Variants in CYP27C1 observed in about 807,000 individuals in gnomAD.
CYP27C1 encodes the protein cytochrome P450 27C1.
Under a neutral mutation model 40.6 loss-of-function variants are expected in CYP27C1, and 29 were observed. The observed-to-expected ratio is 0.71, with a 90% CI of 0.53 to 0.97. The LOEUF (loss-of-function observed/expected upper bound fraction) is 0.97. Among genes scored for constraint, CYP27C1 ranks in the 50% least tolerant of loss-of-function variants. The pLI, the probability that CYP27C1 is intolerant of heterozygous loss-of-function variation, is 0.00. For missense variants in CYP27C1, 390 were observed against 485.8 expected (o/e 0.80, Z 1.85); for synonymous variants, 198 against 186.8 (o/e 1.06, Z -0.49).
chr2:127,216,570 C>T (rs1270357978), intron 1 of CYP27C1, among the ~76,000 whole-genome samples: 1 of 152,062 alleles, frequency 6.6e-6, no homozygotes, highest in South Asian at 2.1e-4. Context: ...GGGGTGATAG[C>T]TGATGGATAT....
rs766571172 is a variant in CYP27C1 at position 127,195,314 on chromosome 2, G to A, written c.1214+21C>T. Reference sequence around the variant, plus strand: ...GACCTAAGGGACACAGTTTGTTGACGGATTCTGGCGAGCCTTTTACCTCAG... The same window carrying A: ...GACCTAAGGGACACAGTTTGTTGACAGATTCTGGCGAGCCTTTTACCTCAG... On this transcript the variant is annotated intron_variant, in intron 6 of 8. Coordinates refer to ENST00000664447, the MANE Select transcript of CYP27C1 (RefSeq NM_001367502.1). The surrounding 1 kb of genome is among the most constrained non-coding windows in gnomAD (Gnocchi z 6.2). The A allele has an allele frequency of 3.1e-5, 50 of 1,613,700 alleles. No individual in the cohort carries two copies. In the South Asian group the frequency reaches 4.1e-4, roughly 13 times the overall value.
At position 127,202,948 on chromosome 2, in the gene CYP27C1, C is replaced by G. The variant is rs10168711; in HGVS notation, c.673+424G>C. On this transcript the variant is annotated intron_variant, in intron 3 of 8. Transcript: ENST00000664447. ...CTTTGGGAGGCCAAGGCGGGCGAAT[C>G]ACGAGGTCAGGAGTTCGAGACCAGC... 8.1e-3 allele frequency among the ~76,000 whole-genome samples: 1,226 copies of G among 152,154 alleles called. 22 individuals are homozygous for G. The highest frequency in any genetic ancestry group is 0.027 in the African/African-American group (1,125 of 41,528).
At position 127,195,199 on chromosome 2, in the gene CYP27C1, G is replaced by T; in HGVS notation, c.1214+136C>A. On this transcript the variant is annotated intron_variant, in intron 6 of 8. Transcript: ENST00000664447. This position sits in a 1 kb window ranked among gnomAD's most constrained non-coding sequence, Gnocchi z 6.2. ...TGGTCTTTCTGCTATTCTGACAAGA[G>T]CAGAGAAAAAATAACAGTCACGAAC... 1.9e-6 allele frequency: 2 copies of T among 1,044,290 alleles called. No homozygotes were observed. The highest frequency in any genetic ancestry group is 2.8e-6 in the Non-Finnish European group (2 of 711,862). The allele number at this position is 1,044,290 out of a possible 1,614,324, so 64.7% of individuals were successfully genotyped here.
At position 127,201,542 on chromosome 2, in the gene CYP27C1, C is replaced by T. The variant is rs1683035921; in HGVS notation, c.674-211G>A. 6.6e-6 allele frequency among the ~76,000 whole-genome samples: 1 copy of T among 152,046 alleles called. No homozygotes were observed. The highest frequency in any genetic ancestry group is 1.5e-5 in the Non-Finnish European group (1 of 68,008). On this transcript the variant is annotated intron_variant, in intron 3 of 8. Coordinates refer to ENST00000664447, the MANE Select transcript of CYP27C1 (RefSeq NM_001367502.1). This position sits in a 1 kb window ranked among gnomAD's most constrained non-coding sequence, Gnocchi z 6.0. ...GCTGTTGCTGCTTCACCTAAGGAGC[C>T]CCACAGCCCTGGGAGGCACAGATGA...
chr2:127,204,158 C>T lies in CYP27C1; in HGVS notation c.474-587G>A, dbSNP rs1424360917. Among the ~76,000 whole-genome samples, 5 of 150,372 alleles carry T rather than the reference C, an allele frequency of 3.3e-5. No individual in the cohort carries two copies. The South Asian group carries it at 6.3e-4, about 19-fold the overall frequency. ...GTGGGCACCTGTAATTCCAGCTACT[C>T]GGGAGGCTGAGGCAGGAGAATCACT... On this transcript the variant is annotated intron_variant, in intron 2 of 8. Coordinates refer to ENST00000664447, the MANE Select transcript of CYP27C1 (RefSeq NM_001367502.1).
intron 4 of CYP27C1, among the ~76,000 whole-genome samples, 163 bp from the exon 5 acceptor site, chr2:127,199,702 C>T (rs1487327440): frequency 6.6e-6 from 1 of 152,190 alleles, no homozygotes; most frequent in Non-Finnish European, 1.5e-5. Flanking sequence ...TTCACTCATA[C>T]ACTTGCTTAT....
At chr2:127,211,380 T>G (rs529974303) in intron 1 of CYP27C1, among the ~76,000 whole-genome samples, 2,033 of 127,792 alleles carry the variant, frequency 0.016, 50 homozygotes, top group East Asian at 0.03. Flanking sequence ...TTTTTTTTTT[T>G]TTTTTTTTTT....
At chr2:127,189,113 G>T (rs1011486670) in intron 8 of CYP27C1, among the ~76,000 whole-genome samples, 1 of 151,868 alleles carries the variant, frequency 6.6e-6, no homozygotes, top group Non-Finnish European at 1.5e-5. Flanking sequence ...TTTTCTGAGT[G>T]GTTTGTTTGT....
At chr2:127,188,063 G>C (rs952480385) in intron 8 of CYP27C1, among the ~76,000 whole-genome samples, 3 of 152,194 alleles carry the variant, frequency 2.0e-5, no homozygotes, top group African/African-American at 7.2e-5. Context: ...CCTGGGCTTA[G>C]GAATACAGGT....
Position 127,219,278 on chromosome 2 carries a change from C to T in CYP27C1, c.282+711G>A, listed in dbSNP as rs1176083772. ...CCCCCTCAGCCCCAACTCCGCGGGT[C>T]CCGCCAGCTCTCCACTCCCAGGCCC... On this transcript the variant is annotated intron_variant, in intron 1 of 8. Transcript: ENST00000664447. This position sits in a 1 kb window ranked among gnomAD's most constrained non-coding sequence, Gnocchi z 8.7. Among the ~76,000 whole-genome samples the T allele has an allele frequency of 6.6e-6, 1 of 152,108 alleles. No homozygotes were observed. The highest frequency in any genetic ancestry group is 1.5e-5 in the Non-Finnish European group (1 of 68,000).
chr2:127,214,925 T>G (rs1260559127), intron 1 of CYP27C1, among the ~76,000 whole-genome samples: 2 of 150,568 alleles, frequency 1.3e-5, no homozygotes, highest in Non-Finnish European at 3.0e-5. Flanking sequence ...TCAGGAGATC[T>G]AGACCATCCT....
Position 127,188,869 on chromosome 2 carries a change from C to T in CYP27C1, c.1498-1482G>A, listed in dbSNP as rs531672954. On this transcript the variant is annotated intron_variant, in intron 8 of 8. Transcript: ENST00000664447. ...CAAGGGTCAAGTCTTGCAATGGGGACGCAGGCGGAACTCATGCCTTTGTCA... is the reference window on the plus strand; with the variant it reads ...CAAGGGTCAAGTCTTGCAATGGGGATGCAGGCGGAACTCATGCCTTTGTCA... Among the ~76,000 whole-genome samples the T allele has an allele frequency of 5.9e-5, 9 of 152,212 alleles. No individual in the cohort carries two copies. In the South Asian group the frequency reaches 6.2e-4, roughly 11 times the overall value.
rs1416597143 is a variant in CYP27C1, at chr2:127,201,594, G to A, written c.674-263C>T. The stretch of plus-strand genomic sequence containing the variant: ...GAAGCCCACTCTCTGGAGGAAATTC[G>A]AAGACTCTGAGAGTTTAAGTAGCTT... On this transcript the variant is annotated intron_variant, in intron 3 of 8. Coordinates refer to ENST00000664447, the MANE Select transcript of CYP27C1 (RefSeq NM_001367502.1). The surrounding 1 kb of genome is among the most constrained non-coding windows in gnomAD (Gnocchi z 6.0). Among the ~76,000 whole-genome samples, 2 of 152,154 alleles carry A rather than the reference G, an allele frequency of 1.3e-5. No homozygotes were observed. Among genetic ancestry groups the A allele is most frequent in the African/African-American group, 2.4e-5 (1 of 41,438 alleles).
Position 127,215,345 on chromosome 2 carries a change from C to T in CYP27C1, c.282+4644G>A, listed in dbSNP as rs549047567. 7.2e-5 allele frequency among the ~76,000 whole-genome samples: 11 copies of T among 152,192 alleles called. 1 individual carries two copies. In the South Asian group the frequency reaches 2.3e-3, roughly 32 times the overall value. On this transcript the variant is annotated intron_variant, in intron 1 of 8. Coordinates refer to ENST00000664447, the MANE Select transcript of CYP27C1 (RefSeq NM_001367502.1). ...CCACAAGCAAAGAATCAATTTTTAC[C>T]TTTTTCTCACACTATATAAAAAAAT... is the stretch of plus-strand genomic sequence containing the variant.
rs1682914081 is a variant in CYP27C1, at chr2:127,196,774, C to G, written c.1048-1273G>C. On this transcript the variant is annotated intron_variant, in intron 5 of 8. Transcript: ENST00000664447. This position sits in a 1 kb window ranked among gnomAD's most constrained non-coding sequence, Gnocchi z 4.5. ...ATACTACTTAGTAATAAAAAAGAATCAATTACTGTTCTATGCCACCACATG... is the reference window on the plus strand; with the variant it reads ...ATACTACTTAGTAATAAAAAAGAATGAATTACTGTTCTATGCCACCACATG... 6.6e-6 allele frequency among the ~76,000 whole-genome samples: 1 copy of G among 152,088 alleles called. No homozygotes were observed.
chr2:127,198,459 T>C (rs549941245), intron 5 of CYP27C1, among the ~76,000 whole-genome samples: 7 of 152,338 alleles, frequency 4.6e-5, no homozygotes, highest in African/African-American at 1.4e-4. Flanking sequence ...CAGGAATGAT[T>C]TGTAAACTTT....
At chr2:127,212,471 G>A (rs72845922) in intron 1 of CYP27C1, among the ~76,000 whole-genome samples, 2,041 of 152,258 alleles carry the variant, frequency 0.013, 21 homozygotes, top group Non-Finnish European at 0.021. Flanking sequence ...TATCCACCAC[G>A]ATCAATCAGC....
intron 1 of CYP27C1, among the ~76,000 whole-genome samples, chr2:127,217,535 A>C (rs1353494013): frequency 6.6e-6 from 1 of 152,216 alleles, no homozygotes; most frequent in Non-Finnish European, 1.5e-5. Context: ...AGAATGAGTG[A>C]CTAGCCCAAG....
At chr2:127,204,230 C>A (rs1683106715) in intron 2 of CYP27C1, among the ~76,000 whole-genome samples, 1 of 146,478 alleles carries the variant, frequency 6.8e-6, no homozygotes, top group Non-Finnish European at 1.5e-5. Context: ...CACGCCATTG[C>A]ACTCCAGCCT....
Sources: allele counts gnomAD v4.1 joint callset (sites outside exome capture counted in the v4.1 genomes callset), GRCh38; gene constraint gnomAD v4.1.1; non-coding constraint Gnocchi (gnomAD v3.1); transcripts MANE v1.5; gene names NCBI Gene and HGNC (gene_info 2026-07-23, HGNC 2026-07-21).